Variants in CACNA2D3 observed in about 807,000 individuals in gnomAD.
The protein encoded by CACNA2D3 is voltage-dependent calcium channel subunit alpha-2/delta-3.
Under a neutral mutation model 160.6 loss-of-function variants are expected in CACNA2D3, and 60 were observed. The observed-to-expected ratio is 0.37, with a 90% confidence interval of 0.30 to 0.46. The LOEUF (loss-of-function observed/expected upper bound fraction) is 0.46. Among genes scored for constraint, CACNA2D3 ranks in the 20% least tolerant of loss-of-function variants. The probability of loss-of-function intolerance (pLI) is 1.00; values close to 1 mark genes in which losing one functional copy is unlikely to be tolerated. For missense variants in CACNA2D3, 1,205 were observed against 1,365.0 expected (o/e 0.88, Z 1.85); for synonymous variants, 558 against 492.9 (o/e 1.13, Z -1.75).
In CACNA2D3 at chr3:54,464,894, G is replaced by T. The variant is rs1033934864; in HGVS notation, c.382-38598G>T. 4.6e-5 allele frequency among the ~76,000 whole-genome samples: 7 copies of T among 152,266 alleles called. 1 individual carries two copies. The South Asian group carries it at 6.2e-4, about 14-fold the overall frequency. The stretch of plus-strand genomic sequence containing the variant: ...CTTACGCTGGGAGCTGTAGACCGGA[G>T]CTGTTCCTATTTGGCCATCTTCTCC... On this transcript the variant is annotated intron_variant, in intron 4 of 37. Coordinates refer to ENST00000474759, the MANE Select transcript of CACNA2D3 (RefSeq NM_018398.3).
At chr3:54,521,470 A>G (rs58812035) in intron 5 of CACNA2D3, among the ~76,000 whole-genome samples, 2,905 of 152,250 alleles carry the variant, frequency 0.019, 102 homozygotes, top group African/African-American at 0.067. Context: ...ATGATTTGCA[A>G]ATATTTTCTC....
chr3:54,680,491 G>A (rs1036390823), intron 11 of CACNA2D3, among the ~76,000 whole-genome samples: 2 of 152,198 alleles, frequency 1.3e-5, no homozygotes, highest in Non-Finnish European at 2.9e-5. Context: ...CCTGGGTCTT[G>A]CCTGAGGAGA....
intron 11 of CACNA2D3, among the ~76,000 whole-genome samples, chr3:54,731,427 A>G (rs190653446): frequency 9.2e-5 from 14 of 152,272 alleles, no homozygotes; most frequent in Admixed American, 2.6e-4. Flanking sequence ...ATGTACCCCA[A>G]AAGTTGTTGA....
intron 10 of CACNA2D3, among the ~76,000 whole-genome samples, chr3:54,633,996 C>T (rs1164056201): frequency 6.6e-6 from 1 of 152,172 alleles, no homozygotes; most frequent in East Asian, 1.9e-4. Context: ...GGCCATAAGG[C>T]AATTCCATTC....
intron 1 of CACNA2D3, 70 bp from the exon 2 acceptor site, chr3:54,123,443 G>A (rs1429200693): frequency 1.0e-5 from 10 of 970,218 alleles, no homozygotes; most frequent in Non-Finnish European, 1.7e-5. Context: ...CCATGTGTGC[G>A]TGTGCGTGTG....
chr3:54,363,181 G>A (rs879558801), intron 3 of CACNA2D3, among the ~76,000 whole-genome samples: 2 of 150,976 alleles, frequency 1.3e-5, no homozygotes, highest in Admixed American at 6.6e-5. Context: ...GCGATAGAGC[G>A]AGACTCCATC....
chr3:54,797,629 G>A (rs1575480334), intron 13 of CACNA2D3, among the ~76,000 whole-genome samples: 1 of 152,072 alleles, frequency 6.6e-6, no homozygotes, highest in Admixed American at 6.5e-5. Flanking sequence ...TTTAACTTGA[G>A]ACATAGCAAA....
intron 3 of CACNA2D3, among the ~76,000 whole-genome samples, chr3:54,382,389 C>G (rs981342610): frequency 3.9e-5 from 6 of 152,262 alleles, no homozygotes; most frequent in Middle Eastern, 3.4e-3. Flanking sequence ...AAAGAGATGT[C>G]AATAATAGGC....
chr3:54,179,382 C>G lies in CACNA2D3; in HGVS notation c.204+55788C>G, dbSNP rs1165530726. 4.6e-5 allele frequency among the ~76,000 whole-genome samples: 7 copies of G among 152,206 alleles called. No homozygotes were observed. The East Asian group carries it at 1.2e-3, about 25-fold the overall frequency. On this transcript the variant is annotated intron_variant, in intron 2 of 37. Coordinates refer to ENST00000474759, the MANE Select transcript of CACNA2D3 (RefSeq NM_018398.3). Reference sequence around the variant, plus strand: ...AGAAGAAGCTCCTTCTGCAGGAATTCTGTTGCTACTCTTGGGGAACCTTTC... The same window carrying G: ...AGAAGAAGCTCCTTCTGCAGGAATTGTGTTGCTACTCTTGGGGAACCTTTC...
intron 2 of CACNA2D3, among the ~76,000 whole-genome samples, chr3:54,136,309 A>T (rs183660491): frequency 1.3e-5 from 2 of 152,336 alleles, no homozygotes; most frequent in Admixed American, 1.3e-4. Flanking sequence ...CTATCTGGAA[A>T]CCTGAAGCCT....
rs535257638 is a variant in CACNA2D3, at chr3:54,864,360, G to A, written c.1627-7179G>A. 4.2e-3 allele frequency among the ~76,000 whole-genome samples: 641 copies of A among 151,216 alleles called. 3 individuals are homozygous for A. The highest frequency in any genetic ancestry group is 7.1e-3 in the Non-Finnish European group (479 of 67,888). ...ACAATCTCAGCCCACTGCAACCTCC[G>A]CCTCCCAGTTTCAAGCAATTTTTGT... On this transcript the variant is annotated intron_variant, in intron 17 of 37. Transcript: ENST00000474759.
At chr3:54,780,413 T>C (rs1243617150) in intron 13 of CACNA2D3, among the ~76,000 whole-genome samples, 1 of 152,222 alleles carries the variant, frequency 6.6e-6, no homozygotes. Flanking sequence ...TTAAGGCATA[T>C]TGTTTATACT....
Position 54,653,908 on chromosome 3 carries a change from T to C in CACNA2D3, c.1167+11667T>C, listed in dbSNP as rs6790719. ...TCCACCATCCTCTAGTAAATGGCTA[T>C]CTAGGTAGCCACTCTTAAGGGAATC... On this transcript the variant is annotated intron_variant, in intron 11 of 37. Coordinates refer to ENST00000474759, the MANE Select transcript of CACNA2D3 (RefSeq NM_018398.3). 5.6e-3 allele frequency among the ~76,000 whole-genome samples: 857 copies of C among 152,262 alleles called. 10 individuals carry two copies. Among genetic ancestry groups the C allele is most frequent in the African/African-American group, 0.019 (809 of 41,542 alleles).
chr3:54,360,705 G>T (rs971974164), intron 3 of CACNA2D3, among the ~76,000 whole-genome samples: 1 of 152,158 alleles, frequency 6.6e-6, no homozygotes, highest in African/African-American at 2.4e-5. Context: ...GTCCCTTGGA[G>T]AGTAACTTTC....
At chr3:54,663,117 G>C (rs575592345) in intron 11 of CACNA2D3, among the ~76,000 whole-genome samples, 30 of 152,302 alleles carry the variant, frequency 2.0e-4, no homozygotes, top group African/African-American at 2.4e-4. Context: ...GGGACATGAG[G>C]CCTCAGAATG....
intron 2 of CACNA2D3, among the ~76,000 whole-genome samples, chr3:54,260,227 C>G (rs969850883): frequency 6.6e-6 from 1 of 152,192 alleles, no homozygotes; most frequent in Non-Finnish European, 1.5e-5. Flanking sequence ...CTAGAATTGA[C>G]TGCCTCAAAT....
chr3:54,979,919 T>C (rs1028263109), intron 29 of CACNA2D3, among the ~76,000 whole-genome samples: 7 of 152,212 alleles, frequency 4.6e-5, no homozygotes, highest in Admixed American at 6.5e-5. Context: ...TAAAGAAATT[T>C]GGTTACTTCT....
At chr3:54,155,496 C>G (rs1040180107) in intron 2 of CACNA2D3, among the ~76,000 whole-genome samples, 3 of 152,176 alleles carry the variant, frequency 2.0e-5, no homozygotes, top group African/African-American at 7.2e-5. Flanking sequence ...GTTATATGGC[C>G]TAGGTCTCAC....
intron 5 of CACNA2D3, among the ~76,000 whole-genome samples, chr3:54,504,124 G>A (rs990851165): frequency 2.0e-5 from 3 of 152,194 alleles, no homozygotes; most frequent in African/African-American, 7.2e-5. Context: ...TTGTGGAATG[G>A]CATTTAAGGG....
Sources: allele counts gnomAD v4.1 joint callset (sites outside exome capture counted in the v4.1 genomes callset), GRCh38; gene constraint gnomAD v4.1.1; transcripts MANE v1.5; gene names NCBI Gene and HGNC (gene_info 2026-07-23, HGNC 2026-07-21).